PCDH15: variants seen among roughly 807,000 people sequenced by gnomAD.
PCDH15 encodes protocadherin-15.
PCDH15 carries 129 observed loss-of-function variants against 178.5 expected under a neutral mutation model. The observed-to-expected ratio is 0.72, with a 90% CI of 0.63 to 0.84. The LOEUF is 0.84. PCDH15 is among the 40% of genes least tolerant of loss of function. The pLI, the probability that PCDH15 is intolerant of heterozygous loss-of-function variation, is 0.00. For synonymous variants in PCDH15, 800 were observed against 732.0 expected, an observed-to-expected ratio of 1.09 and a Z score of -1.50; for missense variants, 2,230 against 2,099.9, an observed-to-expected ratio of 1.06 and a Z score of -1.21.
At chr10:54,030,075 C>A (rs1481365447) in intron 18 of PCDH15, among the ~76,000 whole-genome samples, 1 of 152,052 alleles carries the variant, frequency 6.6e-6, no homozygotes, top group Non-Finnish European at 1.5e-5. Flanking sequence ...TGACAAAAAT[C>A]AGCCCCAAGG....
intron 2 of PCDH15, among the ~76,000 whole-genome samples, chr10:55,508,827 T>C (rs985249061): frequency 6.6e-6 from 1 of 151,450 alleles, no homozygotes; most frequent in African/African-American, 2.4e-5. Flanking sequence ...TGAGAAGTTG[T>C]ATTGTATTGT....
intron 21 of PCDH15, among the ~76,000 whole-genome samples, chr10:53,990,579 T>TTA (rs112868599): frequency 1.8e-4 from 27 of 149,456 alleles, no homozygotes; most frequent in South Asian, 6.3e-4. Flanking sequence ...TCTCACAATG[T>TTA]TATATATATA....
At chr10:55,020,461 T>C (rs1840297104) in intron 2 of PCDH15, among the ~76,000 whole-genome samples, 1 of 151,272 alleles carries the variant, frequency 6.6e-6, no homozygotes, top group African/African-American at 2.4e-5. Flanking sequence ...ATTGGTTAGA[T>C]TTTAAATGAG....
intron 3 of PCDH15, among the ~76,000 whole-genome samples, chr10:54,500,674 A>G (rs1210127535): frequency 6.6e-6 from 1 of 152,042 alleles, no homozygotes; most frequent in Non-Finnish European, 1.5e-5. Context: ...TACTGAAAAT[A>G]CAAAAATTAG....
At chr10:54,850,133 T>A (rs1353431969) in intron 3 of PCDH15, among the ~76,000 whole-genome samples, 1 of 152,166 alleles carries the variant, frequency 6.6e-6, no homozygotes, top group African/African-American at 2.4e-5. Context: ...AAGCAATATA[T>A]ATGGCATAAA....
intron 16 of PCDH15, among the ~76,000 whole-genome samples, chr10:54,087,164 T>G (rs558947319): frequency 6.6e-6 from 1 of 152,250 alleles, no homozygotes; most frequent in East Asian, 1.9e-4. Flanking sequence ...TGTTAACATT[T>G]TAATTCAGAT....
intron 13 of PCDH15, among the ~76,000 whole-genome samples, chr10:54,164,782 TG>T (rs2046048480): frequency 6.6e-6 from 1 of 152,122 alleles, no homozygotes; most frequent in Non-Finnish European, 1.5e-5. Flanking sequence ...TAACACATAA[TG>T]AGTGCAGATG....
At chr10:53,867,383 T>A (rs539508390) in intron 26 of PCDH15, among the ~76,000 whole-genome samples, 1 of 152,196 alleles carries the variant, frequency 6.6e-6, no homozygotes, top group Non-Finnish European at 1.5e-5. Flanking sequence ...AAGAAGGATA[T>A]CGAATTTTCC....
intron 3 of PCDH15, among the ~76,000 whole-genome samples, chr10:54,844,031 T>A (rs978928829): frequency 6.6e-6 from 1 of 152,044 alleles, no homozygotes; most frequent in African/African-American, 2.4e-5. Flanking sequence ...ACTTTTCTTA[T>A]ATATTTCAGT....
chr10:53,967,686 C>A (rs2089191557), intron 21 of PCDH15, among the ~76,000 whole-genome samples: 1 of 152,042 alleles, frequency 6.6e-6, no homozygotes, highest in Non-Finnish European at 1.5e-5. Flanking sequence ...TTAAATACTT[C>A]AAATAATCAT....
At chr10:55,401,256 T>G (rs1306999071) in intron 2 of PCDH15, among the ~76,000 whole-genome samples, 2 of 152,078 alleles carry the variant, frequency 1.3e-5, no homozygotes, top group African/African-American at 2.4e-5. Flanking sequence ...GTTTTCTATC[T>G]TTAGTGTGCC....
intron 15 of PCDH15, among the ~76,000 whole-genome samples, chr10:54,096,796 G>A (rs1196499799): frequency 1.3e-5 from 2 of 152,122 alleles, no homozygotes; most frequent in Non-Finnish European, 2.9e-5. Context: ...GCTTCAATAT[G>A]TGAATTTTGG....
rs571170500 is a variant in PCDH15, at chr10:54,570,817, A to AATTT, written c.92-42941_92-42940insAAAT. ...CAGGCATGTGCCACCACGCCTGGCT[A>AATTT]TTTTTTTTTTTCTTTTTTTTTTGTA... On this transcript the variant is annotated intron_variant, in intron 2 of 37. Transcript: ENST00000644397. Among the ~76,000 whole-genome samples, 68 of 9,964 alleles carry AATTT rather than the reference A, an allele frequency of 6.8e-3. 1 individual carries two copies. The highest frequency in any genetic ancestry group is 0.018 in the Admixed American group (48 of 2,630). 6.5% of individuals were successfully genotyped at this position (9,964 alleles called of 152,430 possible). A position where few individuals can be genotyped will look rare whatever the true frequency, so the allele number is the denominator to read the frequency against.
At chr10:55,441,656 C>T (rs1839188090) in intron 2 of PCDH15, among the ~76,000 whole-genome samples, 1 of 152,050 alleles carries the variant, frequency 6.6e-6, no homozygotes, top group Non-Finnish European at 1.5e-5. Context: ...CAAGATAATC[C>T]TAACAACATT....
At chr10:54,541,303 G>C (rs76331904) in intron 2 of PCDH15, among the ~76,000 whole-genome samples, 13,233 of 152,114 alleles carry the variant, frequency 0.087, 629 homozygotes, top group Non-Finnish European at 0.11. Flanking sequence ...AGTATAGTTT[G>C]AGGATACAAA....
chr10:54,136,944 C>T (rs1320271633), intron 14 of PCDH15, among the ~76,000 whole-genome samples: 1 of 152,172 alleles, frequency 6.6e-6, no homozygotes, highest in African/African-American at 2.4e-5. Context: ...TCATCTTCAA[C>T]ATCCTGGCAT....
chr10:54,698,750 C>T (rs931605584), intron 1 of PCDH15, among the ~76,000 whole-genome samples: 1 of 152,064 alleles, frequency 6.6e-6, no homozygotes, highest in Non-Finnish European at 1.5e-5. Context: ...TAACATTATG[C>T]CTGGCACATG....
chr10:54,462,680 ATTTTTTTTT>A lies in PCDH15; in HGVS notation c.157+65123_157+65131del, dbSNP rs767750465. 7.8e-4 allele frequency among the ~76,000 whole-genome samples: 44 copies of A among 56,244 alleles called. No individual in the cohort carries two copies. In the South Asian group the frequency reaches 0.012, roughly 15 times the overall value. The allele number at this position is 56,244 out of a possible 152,430, so 36.9% of individuals were successfully genotyped here. A position where few individuals can be genotyped will look rare whatever the true frequency, so the allele number is the denominator to read the frequency against. ...AGGCACGTGTCACCACACCTGCTTAATTTTTTTTTTTTTTTTTTTTTTTTTTTTTTTAAG... is the reference window on the plus strand; with the variant it reads ...AGGCACGTGTCACCACACCTGCTTAATTTTTTTTTTTTTTTTTTTTTTAAG... On this transcript the variant is annotated intron_variant, in intron 3 of 37. Coordinates refer to ENST00000644397, the MANE Select transcript of PCDH15 (RefSeq NM_001384140.1).
intron 1 of PCDH15, among the ~76,000 whole-genome samples, chr10:55,288,369 C>T (rs867319868): frequency 6.6e-6 from 1 of 151,660 alleles, no homozygotes; most frequent in Non-Finnish European, 1.5e-5. Context: ...ACTAAACCCA[C>T]ATCTAAGCAC....
Sources: gnomAD v4.1 joint callset for allele counts (sites outside exome capture counted in the v4.1 genomes callset) on GRCh38, gnomAD v4.1.1 for gene constraint, MANE v1.5 for transcripts, NCBI Gene and HGNC (gene_info 2026-07-23, HGNC 2026-07-21) for gene names.